ENTREP2: variants seen among roughly 807,000 people sequenced by gnomAD.
ENTREP2 encodes protein ENTREP2.
the ENTREP2 span, among the ~76,000 whole-genome samples, chr15:29,556,877 T>C: frequency 6.6e-6 from 1 of 151,604 alleles, no homozygotes; most frequent in African/African-American, 2.4e-5. Flanking sequence ...ACAATGTGAC[T>C]GGGTGCAGGA....
At chr15:29,606,853 A>G in the ENTREP2 span, among the ~76,000 whole-genome samples, 2 of 151,656 alleles carry the variant, frequency 1.3e-5, no homozygotes, top group Non-Finnish European at 2.9e-5. Flanking sequence ...TTTTTGAGAC[A>G]GGTTCTTGCT....
the ENTREP2 span, among the ~76,000 whole-genome samples, chr15:29,608,455 C>T: frequency 6.6e-6 from 1 of 151,942 alleles, no homozygotes; most frequent in Non-Finnish European, 1.5e-5. Flanking sequence ...TGGAGCCCTT[C>T]CTGATCAGTC....
the ENTREP2 span, among the ~76,000 whole-genome samples, chr15:29,304,128 C>A: frequency 6.6e-6 from 1 of 152,144 alleles, no homozygotes; most frequent in African/African-American, 2.4e-5. Flanking sequence ...GGTGATCTGC[C>A]TGCTTTGGCC....
At chr15:29,537,025 C>G in the ENTREP2 span, among the ~76,000 whole-genome samples, 1 of 152,148 alleles carries the variant, frequency 6.6e-6, no homozygotes, top group Non-Finnish European at 1.5e-5. Context: ...TTGTTTTAAG[C>G]CACCTAATCT....
At chr15:29,225,046 G>A in the ENTREP2 span, among the ~76,000 whole-genome samples, 22 of 152,250 alleles carry the variant, frequency 1.4e-4, no homozygotes, top group Middle Eastern at 3.4e-3. Flanking sequence ...CTCTGAGTGC[G>A]GGGCCGCTGA....
the ENTREP2 span, chr15:29,233,955 T>C: frequency 6.5e-7 from 1 of 1,542,336 alleles, no homozygotes; most frequent in Non-Finnish European, 9.0e-7. Flanking sequence ...GCAGTTTCAC[T>C]CACTTCCAAA....
At chr15:29,366,856 A>G in the ENTREP2 span, among the ~76,000 whole-genome samples, 1 of 152,210 alleles carries the variant, frequency 6.6e-6, no homozygotes, top group East Asian at 1.9e-4. Flanking sequence ...ACCCCTCTCA[A>G]ATAAGACCCT....
the ENTREP2 span, among the ~76,000 whole-genome samples, chr15:29,299,656 C>T: frequency 6.6e-6 from 1 of 152,136 alleles, no homozygotes; most frequent in Non-Finnish European, 1.5e-5. Flanking sequence ...TCTCTGGCCC[C>T]CTTTCTGCCT....
the ENTREP2 span, among the ~76,000 whole-genome samples, chr15:29,142,655 A>G: frequency 6.6e-6 from 1 of 152,240 alleles, no homozygotes; most frequent in East Asian, 1.9e-4. Context: ...TGGAAGGCAC[A>G]GTGCCCCCTC....
chr15:29,194,688 C>G, the ENTREP2 span, among the ~76,000 whole-genome samples: 1 of 152,150 alleles, frequency 6.6e-6, no homozygotes, highest in Non-Finnish European at 1.5e-5. Context: ...ACCAGCTCCC[C>G]CTAGACCTGA....
chr15:29,632,075 T>C, the ENTREP2 span, among the ~76,000 whole-genome samples: 1 of 152,258 alleles, frequency 6.6e-6, no homozygotes, highest in Non-Finnish European at 1.5e-5. Flanking sequence ...ATAAGGTTTT[T>C]CTTCAAGCTT....
At chr15:29,354,013 G>A in the ENTREP2 span, among the ~76,000 whole-genome samples, 1 of 152,222 alleles carries the variant, frequency 6.6e-6, no homozygotes, top group Non-Finnish European at 1.5e-5. Flanking sequence ...TTCTGGGTAT[G>A]TGTGTCAGGG....
the ENTREP2 span, among the ~76,000 whole-genome samples, chr15:29,520,951 G>A: frequency 6.6e-6 from 1 of 152,128 alleles, no homozygotes; most frequent in Non-Finnish European, 1.5e-5. Context: ...GTATTCATAG[G>A]GCAGAGGACT....
the ENTREP2 span, among the ~76,000 whole-genome samples, chr15:29,295,503 C>T: frequency 1.1e-4 from 17 of 152,336 alleles, no homozygotes; most frequent in East Asian, 1.2e-3. Context: ...CCAGTGGATA[C>T]GTGAAACTGC....
the ENTREP2 span, among the ~76,000 whole-genome samples, chr15:29,402,660 G>C: frequency 1.2e-4 from 18 of 152,164 alleles, no homozygotes; most frequent in Non-Finnish European, 2.5e-4. Context: ...AGTGAAAGAA[G>C]AAGAAGGAAA....
the ENTREP2 span, among the ~76,000 whole-genome samples, chr15:29,624,929 C>G: frequency 7.9e-6 from 1 of 126,762 alleles, no homozygotes; most frequent in Non-Finnish European, 1.7e-5. Context: ...GCAATTTTAC[C>G]CTATGTGTAG....
the ENTREP2 span, among the ~76,000 whole-genome samples, chr15:29,655,917 C>T: frequency 6.6e-6 from 1 of 151,084 alleles, no homozygotes; most frequent in Non-Finnish European, 1.5e-5. Context: ...CCCAGCTACT[C>T]AGGATGCTGA....
the ENTREP2 span, among the ~76,000 whole-genome samples, chr15:29,302,882 G>T: frequency 6.6e-6 from 1 of 152,178 alleles, no homozygotes; most frequent in Non-Finnish European, 1.5e-5. Context: ...CACAATAATG[G>T]AAGACTGGCA....
At chr15:29,310,813 A>G in the ENTREP2 span, among the ~76,000 whole-genome samples, 1 of 152,252 alleles carries the variant, frequency 6.6e-6, no homozygotes, top group Admixed American at 6.5e-5. Flanking sequence ...CATAAACTTA[A>G]CAAAGGAAGG....
Sources: gnomAD v4.1 joint callset for allele counts (sites outside exome capture counted in the v4.1 genomes callset) on GRCh38, gnomAD v4.1.1 for gene constraint, MANE v1.5 for transcripts, NCBI Gene and HGNC (gene_info 2026-07-23, HGNC 2026-07-21) for gene names.